The following MACROD2 variants were observed in gnomAD, a reference collection of about 807,000 sequenced individuals.
MACROD2 encodes the protein ADP-ribose glycohydrolase MACROD2.
In MACROD2, 36 loss-of-function variants were observed where a neutral mutation model predicts 70.4. That is an observed-to-expected ratio of 0.51 (90% confidence interval 0.39 to 0.68). The LOEUF is 0.68. Ranked by LOEUF, MACROD2 falls within the 30% of genes least tolerant of loss-of-function variation. MACROD2 has a pLI of 0.00. For missense variants in MACROD2, 496 were observed against 538.4 expected, an observed-to-expected ratio of 0.92 and a Z score of 0.78; for synonymous variants, 172 against 178.8, an observed-to-expected ratio of 0.96 and a Z score of 0.30.
rs555977181 is a variant in MACROD2, at chr20:15,241,814, A to G, written c.540+11753A>G. On this transcript the variant is annotated intron_variant, in intron 6 of 17. Transcript: ENST00000684519. Reference sequence around the variant, plus strand: ...CTCAAATCTATGCTAAATACTTTAAATTCCTTGGGCTATTTGGCTACCCTA... The same window carrying G: ...CTCAAATCTATGCTAAATACTTTAAGTTCCTTGGGCTATTTGGCTACCCTA... Among the ~76,000 whole-genome samples the G allele has an allele frequency of 4.6e-5, 7 of 152,074 alleles. No individual in the cohort carries two copies. The East Asian group carries it at 1.4e-3, about 29-fold the overall frequency.
chr20:15,635,616 G>T (rs904880373), intron 8 of MACROD2, among the ~76,000 whole-genome samples: 1 of 151,952 alleles, frequency 6.6e-6, no homozygotes, highest in Admixed American at 6.6e-5. Flanking sequence ...GGGGAGCGAG[G>T]GTTAAAAAAC....
intron 5 of MACROD2, among the ~76,000 whole-genome samples, chr20:14,688,006 G>T (rs549033694): frequency 6.6e-6 from 1 of 152,210 alleles, no homozygotes; most frequent in African/African-American, 2.4e-5. Context: ...ATCCCTGAGA[G>T]ATGTTTTTCT....
At chr20:14,315,458 G>A (rs565618657) in intron 3 of MACROD2, among the ~76,000 whole-genome samples, 57 of 152,230 alleles carry the variant, frequency 3.7e-4, no homozygotes, top group African/African-American at 1.3e-3. Context: ...TAGGTTTCAA[G>A]CATTGTTTTA....
intron 3 of MACROD2, among the ~76,000 whole-genome samples, chr20:14,485,311 T>C (rs1471270857): frequency 6.6e-6 from 1 of 152,174 alleles, no homozygotes; most frequent in Non-Finnish European, 1.5e-5. Context: ...ATTTCATTAG[T>C]TAGAGTCATG....
Position 14,864,422 on chromosome 20 carries a change from A to C in MACROD2, c.418+179463A>C, listed in dbSNP as rs149793851. Among the ~76,000 whole-genome samples, 612 of 152,164 alleles carry C rather than the reference A, an allele frequency of 4.0e-3. 7 individuals carry two copies. The highest frequency in any genetic ancestry group is 0.014 in the African/African-American group (564 of 41,522). ...CTTTATATGGATTTATAAATCAGTA[A>C]ATTTTTTTATACTGTAAAACTTTAA... On this transcript the variant is annotated intron_variant, in intron 5 of 17. Transcript: ENST00000684519.
chr20:14,791,524 A>G (rs927588381), intron 5 of MACROD2, among the ~76,000 whole-genome samples: 1 of 152,066 alleles, frequency 6.6e-6, no homozygotes, highest in Admixed American at 6.6e-5. Flanking sequence ...CTGGATATAT[A>G]TATTTTTTTC....
Position 15,088,428 on chromosome 20 carries a change from TA to T in MACROD2, c.419-141511del, listed in dbSNP as rs374666005. 3.2e-3 allele frequency among the ~76,000 whole-genome samples: 118 copies of T among 36,676 alleles called. 2 individuals carry two copies. Among genetic ancestry groups the T allele is most frequent in the African/African-American group, 7.3e-3 (102 of 13,982 alleles). 24.1% of individuals were successfully genotyped at this position (36,676 alleles called of 152,430 possible). A position where few individuals can be genotyped will look rare whatever the true frequency, so the allele number is the denominator to read the frequency against. On this transcript the variant is annotated intron_variant, in intron 5 of 17. Coordinates refer to ENST00000684519, the MANE Select transcript of MACROD2 (RefSeq NM_001351661.2). Reference sequence around the variant, plus strand: ...ATATATATATATATATATATATATATATATATATATATATATATATATAATA... The same window carrying T: ...ATATATATATATATATATATATATATTATATATATATATATATATATAATA...
intron 8 of MACROD2, among the ~76,000 whole-genome samples, chr20:15,672,097 T>G (rs1251071325): frequency 6.6e-6 from 1 of 152,118 alleles, no homozygotes; most frequent in Non-Finnish European, 1.5e-5. Context: ...AAGGAAATAG[T>G]AAGGTTTACA....
chr20:14,999,770 A>G (rs544306534), intron 5 of MACROD2, among the ~76,000 whole-genome samples: 1 of 152,366 alleles, frequency 6.6e-6, no homozygotes, highest in East Asian at 1.9e-4. Context: ...GTTGTCATCA[A>G]TCTAAAATAA....
intron 1 of MACROD2, among the ~76,000 whole-genome samples, chr20:13,998,839 C>T (rs758643498): frequency 1.3e-4 from 20 of 151,870 alleles, no homozygotes; most frequent in Non-Finnish European, 1.0e-4. Context: ...CCTGTAATCC[C>T]AGCTACTCGG....
At chr20:15,266,825 G>A (rs1235015602) in intron 6 of MACROD2, among the ~76,000 whole-genome samples, 1 of 152,176 alleles carries the variant, frequency 6.6e-6, no homozygotes, top group African/African-American at 2.4e-5. Flanking sequence ...TAGCCACACA[G>A]AACTACTCAT....
At chr20:14,741,440 G>C (rs1265898877) in intron 5 of MACROD2, among the ~76,000 whole-genome samples, 1 of 152,106 alleles carries the variant, frequency 6.6e-6, no homozygotes, top group Non-Finnish European at 1.5e-5. Context: ...GATATAAATT[G>C]TGAATGATGA....
At chr20:15,369,314 A>G (rs1453110567) in intron 6 of MACROD2, among the ~76,000 whole-genome samples, 1 of 152,194 alleles carries the variant, frequency 6.6e-6, no homozygotes, top group African/African-American at 2.4e-5. Context: ...TTTATTGCCT[A>G]TTCTTTTTAC....
intron 2 of MACROD2, among the ~76,000 whole-genome samples, chr20:14,026,531 C>G (rs960462864): frequency 1.3e-5 from 2 of 152,186 alleles, no homozygotes; most frequent in Non-Finnish European, 2.9e-5. Flanking sequence ...TCTTGTAAGG[C>G]AGGCCTGATG....
intron 3 of MACROD2, among the ~76,000 whole-genome samples, chr20:14,161,631 C>T (rs1016306504): frequency 1.3e-5 from 2 of 149,176 alleles, no homozygotes; most frequent in African/African-American, 5.0e-5. Flanking sequence ...GGCTGAAGTG[C>T]AGTGGCGCGA....
Position 15,082,807 on chromosome 20 carries a change from T to C in MACROD2, c.419-147133T>C, listed in dbSNP as rs557460327. 1.1e-4 allele frequency among the ~76,000 whole-genome samples: 17 copies of C among 152,270 alleles called. No homozygotes were observed. The South Asian group carries it at 3.3e-3, about 30-fold the overall frequency. On this transcript the variant is annotated intron_variant, in intron 5 of 17. Coordinates refer to ENST00000684519, the MANE Select transcript of MACROD2 (RefSeq NM_001351661.2). The stretch of plus-strand genomic sequence containing the variant: ...GTTCGCATTCTCTCACTGAGAATTC[T>C]CTTTGATAGGGTGGATTTTCTGCAA...
intron 2 of MACROD2, among the ~76,000 whole-genome samples, chr20:14,057,083 C>G (rs1340676051): frequency 1.3e-5 from 2 of 152,072 alleles, no homozygotes; most frequent in African/African-American, 2.4e-5. Context: ...AACTTGATCC[C>G]TGCTTCCCAC....
intron 6 of MACROD2, among the ~76,000 whole-genome samples, chr20:15,389,264 A>G (rs1239733973): frequency 6.6e-6 from 1 of 152,220 alleles, no homozygotes; most frequent in African/African-American, 2.4e-5. Flanking sequence ...CTGTTACTGA[A>G]GAAGAGAGAG....
intron 3 of MACROD2, among the ~76,000 whole-genome samples, chr20:14,100,720 T>TAA (rs10626099): frequency 0.98 from 133,186 of 136,360 alleles, 65,145 homozygotes; most frequent in Non-Finnish European, 1. Context: ...ATATATACAT[T>TAA]TATATATAAT....
Sources: allele counts gnomAD v4.1 joint callset (sites outside exome capture counted in the v4.1 genomes callset), GRCh38; gene constraint gnomAD v4.1.1; transcripts MANE v1.5; gene names NCBI Gene and HGNC (gene_info 2026-07-23, HGNC 2026-07-21).